Variants in POLR3B observed in about 807,000 individuals in gnomAD.
The protein encoded by POLR3B is RNA polymerase III subunit B.
In POLR3B, 96 loss-of-function variants were observed where a neutral mutation model predicts 147.4. That is an observed-to-expected ratio of 0.65 (90% CI 0.55 to 0.77). The LOEUF (loss-of-function observed/expected upper bound fraction) is 0.77. POLR3B is among the 30% of genes least tolerant of loss of function. The pLI, the probability that POLR3B is intolerant of heterozygous loss-of-function variation, is 0.00. For synonymous variants in POLR3B, 461 were observed against 485.9 expected (o/e 0.95, Z 0.67); for missense variants, 1,036 against 1,413.5 (o/e 0.73, Z 4.28).
chr12:106,434,069 C>T (rs767600909), intron 16 of POLR3B, among the ~76,000 whole-genome samples, 197 bp downstream of exon 16: 1 of 152,244 alleles, frequency 6.6e-6, no homozygotes, highest in East Asian at 1.9e-4. Flanking sequence ...AGAGTCTGCC[C>T]TCAGAGAGCT....
At chr12:106,440,710 C>T (rs930898956) in intron 18 of POLR3B, among the ~76,000 whole-genome samples, 1 of 151,902 alleles carries the variant, frequency 6.6e-6, no homozygotes, top group African/African-American at 2.4e-5. Flanking sequence ...TATCTCTATC[C>T]ACTCCTCTTT....
intron 23 of POLR3B, among the ~76,000 whole-genome samples, chr12:106,467,265 G>T (rs923603350): frequency 2.0e-5 from 3 of 152,108 alleles, no homozygotes; most frequent in African/African-American, 7.2e-5. Flanking sequence ...TCTGTTATTG[G>T]TGTATAGGAA....
intron 1 of POLR3B, among the ~76,000 whole-genome samples, chr12:106,362,713 CA>C (rs1178358641): frequency 6.6e-6 from 1 of 152,072 alleles, no homozygotes; most frequent in Admixed American, 6.6e-5. Flanking sequence ...ACCCCATCTT[CA>C]AAAACAGTCA....
intron 23 of POLR3B, among the ~76,000 whole-genome samples, chr12:106,477,678 C>T (rs1376037165): frequency 6.6e-6 from 1 of 152,060 alleles, no homozygotes; most frequent in East Asian, 1.9e-4. Flanking sequence ...ACTCCCTGAC[C>T]CCTTGTGCTT....
At chr12:106,382,721 C>T (rs183120854) in intron 9 of POLR3B, among the ~76,000 whole-genome samples, 3 of 152,282 alleles carry the variant, frequency 2.0e-5, no homozygotes, top group Middle Eastern at 3.4e-3. Context: ...GTGCTGCCAT[C>T]CAGACTTTGT....
At chr12:106,449,806 T>G (rs1214265113) in intron 19 of POLR3B, among the ~76,000 whole-genome samples, 1 of 152,132 alleles carries the variant, frequency 6.6e-6, no homozygotes, top group East Asian at 1.9e-4. Context: ...TGTTCAAGGG[T>G]CAACTGTATA....
intron 23 of POLR3B, among the ~76,000 whole-genome samples, chr12:106,473,655 GCTCT>G (rs1467797599): frequency 5.9e-5 from 2 of 33,712 alleles, no homozygotes; most frequent in African/African-American, 2.7e-4. Flanking sequence ...TCATGATTTG[GCTCT>G]CTGTTTGTCT....
chr12:106,497,241 C>T (rs1002379560), intron 25 of POLR3B, among the ~76,000 whole-genome samples: 7 of 149,590 alleles, frequency 4.7e-5, no homozygotes, highest in East Asian at 2.1e-4. Context: ...GCCAAAAGAT[C>T]GGACACCCCT....
chr12:106,405,904 A>C lies in POLR3B; in HGVS notation c.894A>C (p.Gly298=), dbSNP rs2037144906. Reference sequence around the variant, plus strand: ...AAGTAAGAAGGCAAAGGATGTGGGGAGGTGGACCAAAGAAAACCAAAATAG... The same window carrying C: ...AAGTAAGAAGGCAAAGGATGTGGGGCGGTGGACCAAAGAAAACCAAAATAG... ...GNKVRRQRMW[G]GGPKKTKIEE... is the part of the protein sequence containing the mutation. The change falls in exon 11 of 28, where the codon GGA becomes GGC. Residue 298 remains glycine (G), a synonymous_variant. Transcript: ENST00000228347. The C allele has an allele frequency of 6.2e-7, 1 of 1,613,096 alleles. No individual in the cohort carries two copies. Among genetic ancestry groups the C allele is most frequent in the Non-Finnish European group, 8.5e-7 (1 of 1,179,068 alleles).
At chr12:106,491,206 C>T (rs2137068785) in intron 23 of POLR3B, among the ~76,000 whole-genome samples, 1 of 152,286 alleles carries the variant, frequency 6.6e-6, no homozygotes, top group Non-Finnish European at 1.5e-5. Flanking sequence ...AACACAATTG[C>T]TTCATGAGAT....
chr12:106,459,430 A>G, intron 22 of POLR3B, 62 bp downstream of exon 22: 1 of 930,956 alleles, frequency 1.1e-6, no homozygotes. Flanking sequence ...GAAATGGGAG[A>G]AATTCGAAGT....
At chr12:106,369,251 A>G (rs775500099) in intron 4 of POLR3B, 24 bp from the exon 5 acceptor site, 9 of 1,277,362 alleles carry the variant, frequency 7.0e-6, no homozygotes, top group Non-Finnish European at 1.0e-5. Context: ...AGTATAATTC[A>G]TACCGCACTA....
At chr12:106,507,552 A>G in intron 27 of POLR3B, 2 of 265,672 alleles carry the variant, frequency 7.5e-6, no homozygotes, top group Non-Finnish European at 7.4e-6. Flanking sequence ...CAACCCAAGC[A>G]CATTAAAAAC....
Position 106,448,427 on chromosome 12 carries a change from CTTTTTTTTTTTTTT to C in POLR3B, c.2083+3853_2083+3866del, listed in dbSNP as rs869133588. Among the ~76,000 whole-genome samples, 7 of 50,614 alleles carry C rather than the reference CTTTTTTTTTTTTTT, an allele frequency of 1.4e-4. 1 individual carries two copies. In the East Asian group the frequency reaches 3.4e-3, roughly 25 times the overall value. 33.2% of individuals were successfully genotyped at this position (50,614 alleles called of 152,430 possible). On this transcript the variant is annotated intron_variant, in intron 19 of 27. Transcript: ENST00000228347. Reference sequence around the variant, plus strand: ...TCCAAATTCTTTACATACGTTATTTCTTTTTTTTTTTTTTTTTTTTTTTTTTTTTGAGATGGAGT... The same window carrying C: ...TCCAAATTCTTTACATACGTTATTTCTTTTTTTTTTTTTTTGAGATGGAGT...
intron 14 of POLR3B, 89 bp downstream of exon 14, chr12:106,430,562 C>A: frequency 1.1e-6 from 1 of 934,036 alleles, no homozygotes; most frequent in Non-Finnish European, 1.7e-6. Context: ...CTTCTGTTCC[C>A]ATCTCCAGGC....
In POLR3B at chr12:106,376,380, T is replaced by C. The variant is rs781175232; in HGVS notation, c.426T>C (p.Ser142=). 6.2e-7 allele frequency: 1 copy of C among 1,612,644 alleles called. No individual in the cohort carries two copies. The highest frequency in any genetic ancestry group is 1.1e-5 in the South Asian group (1 of 91,072). ...ACAGAATGCCCATAATGCTACGTAG[T>C]TCAAACTGTGTTCTTACAGGAAAAA... The part of the protein sequence containing the change: ...PIGRMPIMLR[S]SNCVLTGKTP... Residue 142 remains serine (S), a synonymous_variant, in exon 7 of 28, where the codon AGT becomes AGC. Coordinates refer to ENST00000228347, the MANE Select transcript of POLR3B (RefSeq NM_018082.6).
chr12:106,386,839 G>A (rs1008026368), intron 9 of POLR3B, among the ~76,000 whole-genome samples: 4 of 151,894 alleles, frequency 2.6e-5, no homozygotes, highest in Non-Finnish European at 5.9e-5. Flanking sequence ...CCTGGAAGCC[G>A]GAGCATGCAG....
At chr12:106,358,197 C>T in intron 1 of POLR3B, 2 of 1,423,084 alleles carry the variant, frequency 1.4e-6, no homozygotes, top group Non-Finnish European at 1.8e-6. Flanking sequence ...GCTGCTGGCT[C>T]TAGGGTTGGA....
chr12:106,415,806 A>C (rs2037294650), intron 12 of POLR3B, among the ~76,000 whole-genome samples: 1 of 152,230 alleles, frequency 6.6e-6, no homozygotes, highest in Non-Finnish European at 1.5e-5. Context: ...CATAGCAAAA[A>C]GAATTTTAAA....
Sources: allele counts gnomAD v4.1 joint callset (sites outside exome capture counted in the v4.1 genomes callset), GRCh38; gene constraint gnomAD v4.1.1; transcripts MANE v1.5; gene names NCBI Gene and HGNC (gene_info 2026-07-23, HGNC 2026-07-21).